CNTN5: variants seen among roughly 807,000 people sequenced by gnomAD.
The protein encoded by CNTN5 is contactin-5.
Under a neutral mutation model 129.1 loss-of-function variants are expected in CNTN5, and 77 were observed. That is an observed-to-expected ratio of 0.60 (90% confidence interval 0.50 to 0.72). The LOEUF is 0.72. CNTN5 is among the 30% of genes least tolerant of loss of function. The probability of loss-of-function intolerance (pLI) is 0.00; values close to 1 mark genes in which losing one functional copy is unlikely to be tolerated. For synonymous variants in CNTN5, 509 were observed against 465.6 expected (o/e 1.09, Z -1.20); for missense variants, 1,478 against 1,328.8 (o/e 1.11, Z -1.75).
intron 2 of CNTN5, among the ~76,000 whole-genome samples, chr11:99,417,695 C>T (rs1358034311): frequency 6.6e-6 from 1 of 152,042 alleles, no homozygotes; most frequent in Admixed American, 6.6e-5. Context: ...AAAGCAGAGA[C>T]TCTTCATTTC....
intron 3 of CNTN5, among the ~76,000 whole-genome samples, chr11:99,630,251 T>TATATATATATATATATGTGTGTATATAC (rs1951291415): frequency 8.4e-4 from 2 of 2,382 alleles, no homozygotes; most frequent in African/African-American, 8.6e-4. Flanking sequence ...TATATACATA[T>TATATATATATATATATGTGTGTATATAC]ATATATATAT....
At chr11:99,751,038 T>C (rs1434157576) in intron 3 of CNTN5, among the ~76,000 whole-genome samples, 1 of 152,192 alleles carries the variant, frequency 6.6e-6, no homozygotes, top group Non-Finnish European at 1.5e-5. Context: ...GAGATGTTCA[T>C]CCCTCACGAT....
chr11:100,165,721 A>G (rs1242832816), intron 13 of CNTN5, among the ~76,000 whole-genome samples: 6 of 151,734 alleles, frequency 4.0e-5, no homozygotes, highest in African/African-American at 1.5e-4. Context: ...CAATTTTAAG[A>G]TTCTACAGTG....
chr11:99,751,867 G>A (rs1237274305), intron 3 of CNTN5, among the ~76,000 whole-genome samples: 1 of 152,156 alleles, frequency 6.6e-6, no homozygotes, highest in Non-Finnish European at 1.5e-5. Context: ...TTATGAATGG[G>A]ATTATAAAAG....
intron 2 of CNTN5, among the ~76,000 whole-genome samples, chr11:99,463,039 C>T (rs1038866237): frequency 1.3e-5 from 2 of 151,348 alleles, no homozygotes; most frequent in East Asian, 3.9e-4. Flanking sequence ...ACACAGGAGG[C>T]GGAGGTTGCA....
rs1330127887 is a variant in CNTN5 at position 100,356,635 on chromosome 11, TTAAGAC to T, written c.*420_*425del. 2.4e-5 allele frequency: 4 copies of T among 165,802 alleles called. No homozygotes were observed. Among genetic ancestry groups the T allele is most frequent in the African/African-American group, 9.6e-5 (4 of 41,640 alleles). The allele number at this position is 165,802 out of a possible 1,614,324, so 10.3% of individuals were successfully genotyped here. On this transcript the variant is annotated 3_prime_UTR_variant, in exon 25 of 25. Transcript: ENST00000524871. ...ACAAAAATGAGAATGAAAAGTTTGCTTAAGACTAAGTCCAGTGTTTTTCATTTTCCC... is the reference window on the plus strand; with the variant it reads ...ACAAAAATGAGAATGAAAAGTTTGCTTAAGTCCAGTGTTTTTCATTTTCCC...
chr11:99,113,672 G>C (rs149172608), intron 1 of CNTN5, among the ~76,000 whole-genome samples: 255 of 152,196 alleles, frequency 1.7e-3, no homozygotes, highest in Middle Eastern at 3.4e-3. Context: ...TTATGTCCTT[G>C]AAATGAAATT....
intron 1 of CNTN5, among the ~76,000 whole-genome samples, chr11:99,181,291 G>A (rs1858047197): frequency 6.6e-6 from 1 of 152,210 alleles, no homozygotes; most frequent in African/African-American, 2.4e-5. Flanking sequence ...CAGGGAACAG[G>A]AAGAGTTCTA....
chr11:99,927,593 C>T (rs576885998), intron 7 of CNTN5, among the ~76,000 whole-genome samples: 63 of 152,082 alleles, frequency 4.1e-4, no homozygotes, highest in East Asian at 2.7e-3. Context: ...AAGCAAAAGG[C>T]GGAAAAGCCC....
At chr11:100,177,443 T>C (rs1948002012) in intron 13 of CNTN5, among the ~76,000 whole-genome samples, 1 of 152,128 alleles carries the variant, frequency 6.6e-6, no homozygotes, top group South Asian at 2.1e-4. Flanking sequence ...ATTCAGAATC[T>C]TATCCCAGAA....
At chr11:99,139,722 A>C (rs1462936954) in intron 1 of CNTN5, among the ~76,000 whole-genome samples, 1 of 152,208 alleles carries the variant, frequency 6.6e-6, no homozygotes, top group Non-Finnish European at 1.5e-5. Flanking sequence ...TAAAACAATA[A>C]AAATTCTTAT....
At chr11:99,229,915 C>T (rs74362923) in intron 1 of CNTN5, among the ~76,000 whole-genome samples, 2,645 of 151,626 alleles carry the variant, frequency 0.017, 44 homozygotes, top group African/African-American at 0.038. Flanking sequence ...ATATAATGTG[C>T]AATATATATA....
intron 3 of CNTN5, among the ~76,000 whole-genome samples, chr11:99,695,615 C>T (rs1257030140): frequency 2.0e-5 from 3 of 151,864 alleles, no homozygotes; most frequent in African/African-American, 4.8e-5. Context: ...GGGCCAGGCA[C>T]GGTGGCTGAC....
chr11:99,493,129 C>A (rs1278372378), intron 2 of CNTN5, among the ~76,000 whole-genome samples: 1 of 152,176 alleles, frequency 6.6e-6, no homozygotes, highest in Admixed American at 6.5e-5. Context: ...TGAACCCCAT[C>A]GCTTTGTTTG....
intron 16 of CNTN5, among the ~76,000 whole-genome samples, chr11:100,229,142 T>A (rs1221610547): frequency 6.6e-6 from 1 of 152,158 alleles, no homozygotes; most frequent in African/African-American, 2.4e-5. Flanking sequence ...AGTAAGGTTT[T>A]TTCATCTATA....
chr11:99,473,847 T>C (rs1352254851), intron 2 of CNTN5, among the ~76,000 whole-genome samples: 2 of 151,992 alleles, frequency 1.3e-5, no homozygotes, highest in South Asian at 2.1e-4. Flanking sequence ...AACATTTACA[T>C]TCTAGAATTC....
chr11:100,011,626 C>A lies in CNTN5; in HGVS notation c.980+9490C>A, dbSNP rs549412581. On this transcript the variant is annotated intron_variant, in intron 9 of 24. Transcript: ENST00000524871. The stretch of plus-strand genomic sequence containing the variant: ...AGGGAAGAACACATTCAATTTCCTG[C>A]CCTTTTTAGTTCCTGCTTATCTCTC... Among the ~76,000 whole-genome samples, 8 of 152,196 alleles carry A rather than the reference C, an allele frequency of 5.3e-5. No individual in the cohort carries two copies. The South Asian group carries it at 1.7e-3, about 32-fold the overall frequency.
At chr11:99,918,040 C>A (rs1353610379) in intron 7 of CNTN5, among the ~76,000 whole-genome samples, 2 of 152,138 alleles carry the variant, frequency 1.3e-5, no homozygotes, top group East Asian at 3.9e-4. Context: ...GAACAGCATC[C>A]ACTGTCTTCT....
chr11:99,489,289 A>G (rs577250105), intron 2 of CNTN5, among the ~76,000 whole-genome samples: 9 of 152,254 alleles, frequency 5.9e-5, no homozygotes, highest in African/African-American at 1.9e-4. Flanking sequence ...CTAGAGAGTC[A>G]TGTAACTGGA....
Sources: allele counts gnomAD v4.1 joint callset (sites outside exome capture counted in the v4.1 genomes callset), GRCh38; gene constraint gnomAD v4.1.1; transcripts MANE v1.5; gene names NCBI Gene and HGNC (gene_info 2026-07-23, HGNC 2026-07-21).